The following PRKN variants were observed in gnomAD, a reference collection of about 807,000 sequenced individuals.
The protein encoded by PRKN is E3 ubiquitin-protein ligase parkin.
In PRKN, 56 loss-of-function variants were observed where a neutral mutation model predicts 59.5. The ratio of observed to expected loss-of-function variants is 0.94; its 90% CI spans 0.76 to 1.18. The LOEUF (loss-of-function observed/expected upper bound fraction) is 1.18, where lower values mean the gene tolerates loss of function less well. PRKN is among the 50% of genes most tolerant of loss of function. The pLI is 0.00. For missense variants in PRKN, 657 were observed against 596.4 expected, an observed-to-expected ratio of 1.10 and a Z score of -1.06; for synonymous variants, 250 against 222.1, an observed-to-expected ratio of 1.13 and a Z score of -1.12.
chr6:161,368,941 C>T (rs1286498328), intron 10 of PRKN, among the ~76,000 whole-genome samples: 1 of 152,174 alleles, frequency 6.6e-6, no homozygotes, highest in Non-Finnish European at 1.5e-5. Context: ...ACAGCTCTTC[C>T]TGTGCTTCCT....
intron 1 of PRKN, among the ~76,000 whole-genome samples, chr6:162,715,926 T>C (rs1329705661): frequency 6.6e-6 from 1 of 152,200 alleles, no homozygotes; most frequent in African/African-American, 2.4e-5. Context: ...CCAGCTCAAA[T>C]AAATTCCACC....
intron 7 of PRKN, among the ~76,000 whole-genome samples, chr6:161,780,916 T>C (rs73017209): frequency 0.01 from 1,597 of 152,356 alleles, 19 homozygotes; most frequent in Admixed American, 0.044. Flanking sequence ...TAGGGAAACA[T>C]TGTAATTGGA....
Position 161,560,271 on chromosome 6 carries a change from C to T in PRKN, c.933+9084G>A, listed in dbSNP as rs1434729522. ...ACTGACTTAACTGAAACTGATCCAT[C>T]TCCCTTGCAACCTTTTCAAGTGAAG... On this transcript the variant is annotated intron_variant, in intron 8 of 11. Coordinates refer to ENST00000366898, the MANE Select transcript of PRKN (RefSeq NM_004562.3). The surrounding 1 kb of genome is among the most constrained non-coding windows in gnomAD (Gnocchi z 4.9). Among the ~76,000 whole-genome samples, 1 of 152,186 alleles carries T rather than the reference C, an allele frequency of 6.6e-6. No individual in the cohort carries two copies. The highest frequency in any genetic ancestry group is 2.4e-5 in the African/African-American group (1 of 41,452).
chr6:162,685,897 G>C (rs796256807), intron 1 of PRKN, among the ~76,000 whole-genome samples: 1 of 151,944 alleles, frequency 6.6e-6, no homozygotes, highest in Non-Finnish European at 1.5e-5. Flanking sequence ...GTCTCTCTTC[G>C]CCCATCATTA....
intron 10 of PRKN, among the ~76,000 whole-genome samples, chr6:161,384,837 T>C (rs1250218148): frequency 1.3e-5 from 2 of 152,244 alleles, no homozygotes; most frequent in Non-Finnish European, 2.9e-5. Context: ...TAAGCTTTGG[T>C]TTAGCATATT....
At chr6:161,653,797 T>C (rs747435541) in intron 7 of PRKN, among the ~76,000 whole-genome samples, 15 of 152,166 alleles carry the variant, frequency 9.9e-5, no homozygotes, top group Non-Finnish European at 1.5e-4. Flanking sequence ...ATTCCAAAGA[T>C]TGGAAACATT....
At chr6:161,791,295 C>CA (rs1463138958) in intron 6 of PRKN, among the ~76,000 whole-genome samples, 6 of 152,140 alleles carry the variant, frequency 3.9e-5, no homozygotes, top group Non-Finnish European at 8.8e-5. Flanking sequence ...GTTTGAGTTA[C>CA]AAATAATGTG....
rs111504493 is a variant in PRKN at position 162,513,912 on chromosome 6, G to C, written c.8-70439C>G. Among the ~76,000 whole-genome samples, 1,361 of 152,096 alleles carry C rather than the reference G, an allele frequency of 8.9e-3. 17 individuals are homozygous for C. The highest frequency in any genetic ancestry group is 0.031 in the African/African-American group (1,276 of 41,498). ...CTACTAAAAATACAAAAAATATGGT[G>C]ATGCGTGCCTGTAGTCCCAGCTACG... On this transcript the variant is annotated intron_variant, in intron 1 of 11. Coordinates refer to ENST00000366898, the MANE Select transcript of PRKN (RefSeq NM_004562.3).
At chr6:162,476,299 C>T (rs1665052889) in intron 1 of PRKN, among the ~76,000 whole-genome samples, 1 of 149,740 alleles carries the variant, frequency 6.7e-6, no homozygotes, top group African/African-American at 2.5e-5. Flanking sequence ...CTCAAACTCC[C>T]GACCTCAGGT....
chr6:162,675,774 A>C (rs950732260), intron 1 of PRKN, among the ~76,000 whole-genome samples: 2 of 152,204 alleles, frequency 1.3e-5, no homozygotes, highest in Non-Finnish European at 2.9e-5. Context: ...GGGAAGCTTA[A>C]TGAAATTATT....
intron 1 of PRKN, among the ~76,000 whole-genome samples, chr6:162,593,134 TA>T (rs1781373737): frequency 6.6e-6 from 1 of 152,026 alleles, no homozygotes; most frequent in Admixed American, 6.6e-5. Context: ...GAAACAGAAT[TA>T]GGGGTTAATT....
At position 161,357,048 on chromosome 6, in the gene PRKN, C is replaced by CTTTT. The variant is rs35219002; in HGVS notation, c.1285+3036_1285+3039dup. ...CAGGTCCAGGTTCGCTGACCACTTC[C>CTTTT]TTTTTTTTTTTTTTTTTTTTTGAGA... On this transcript the variant is annotated intron_variant, in intron 11 of 11. Transcript: ENST00000366898. The surrounding 1 kb of genome is among the most constrained non-coding windows in gnomAD (Gnocchi z 5.5). Among the ~76,000 whole-genome samples the CTTTT allele has an allele frequency of 4.5e-4, 52 of 115,576 alleles. No homozygotes were observed. The highest frequency in any genetic ancestry group is 8.3e-4 in the African/African-American group (24 of 29,010). The allele number at this position is 115,576 out of a possible 152,430, so 75.8% of individuals were successfully genotyped here. A position where few individuals can be genotyped will look rare whatever the true frequency, so the allele number is the denominator to read the frequency against.
chr6:161,892,389 G>C (rs1795375094), intron 6 of PRKN, among the ~76,000 whole-genome samples: 1 of 149,462 alleles, frequency 6.7e-6, no homozygotes, highest in Non-Finnish European at 1.5e-5. Context: ...AACACAGCTA[G>C]ACTCCACCTC....
intron 1 of PRKN, among the ~76,000 whole-genome samples, chr6:162,481,803 T>C (rs757966640): frequency 3.9e-5 from 6 of 152,222 alleles, no homozygotes; most frequent in Non-Finnish European, 7.4e-5. Flanking sequence ...TACCATGTTC[T>C]GTCAAAACAA....
At chr6:162,278,438 G>A (rs1780730738) in intron 2 of PRKN, among the ~76,000 whole-genome samples, 1 of 152,146 alleles carries the variant, frequency 6.6e-6, no homozygotes, top group African/African-American at 2.4e-5. Context: ...AGCTATAAAT[G>A]TGAAGTGATT....
At chr6:162,054,201 T>G (rs370785453) in intron 4 of PRKN, 27 bp from the exon 5 acceptor site, 117 of 1,288,916 alleles carry the variant, frequency 9.1e-5, no homozygotes, top group Non-Finnish European at 1.3e-4. Context: ...CAATATATGC[T>G]TATATGAGTT....
At chr6:161,909,836 C>T (rs1173626540) in intron 6 of PRKN, among the ~76,000 whole-genome samples, 2 of 152,218 alleles carry the variant, frequency 1.3e-5, no homozygotes, top group Non-Finnish European at 2.9e-5. Flanking sequence ...TCAATGCTTT[C>T]ATGACCTAAC....
chr6:161,585,517 T>C, intron 7 of PRKN, among the ~76,000 whole-genome samples: 1 of 152,256 alleles, frequency 6.6e-6, no homozygotes, highest in Non-Finnish European at 1.5e-5. Flanking sequence ...AAATAGAGTC[T>C]GCTATATTCA....
intron 7 of PRKN, among the ~76,000 whole-genome samples, chr6:161,623,414 T>G (rs754806450): frequency 3.3e-5 from 5 of 152,204 alleles, no homozygotes; most frequent in Non-Finnish European, 7.3e-5. Flanking sequence ...AACACAAAAA[T>G]ATGGGTATAT....
Sources: gnomAD v4.1 joint callset for allele counts (sites outside exome capture counted in the v4.1 genomes callset) on GRCh38, gnomAD v4.1.1 for gene constraint, Gnocchi (gnomAD v3.1) non-coding constraint, MANE v1.5 for transcripts, NCBI Gene and HGNC (gene_info 2026-07-23, HGNC 2026-07-21) for gene names.